The following IGSF3 variants were observed in gnomAD, a reference collection of about 807,000 sequenced individuals.
IGSF3 encodes the protein immunoglobulin superfamily member 3, also known as glu-Trp-Ile EWI motif-containing protein 3.
IGSF3 carries 23 observed loss-of-function variants against 114.4 expected under a neutral mutation model. The observed-to-expected ratio is 0.20, with a 90% CI of 0.14 to 0.28. The LOEUF is 0.28. Ranked by LOEUF, IGSF3 falls within the 10% of genes least tolerant of loss-of-function variation. IGSF3 has a pLI of 1.00. For missense variants in IGSF3, 1,172 were observed against 1,591.5 expected, an observed-to-expected ratio of 0.74 and a Z score of 4.48; for synonymous variants, 571 against 645.2, an observed-to-expected ratio of 0.88 and a Z score of 1.74.
rs1239917981 is a variant in IGSF3, at chr1:116,665,498, A to G, written c.43+786T>C. ...CACGCTGAAGACAGTGCTCAATGGC[A>G]TAAAAAGAATAGGCAATTGTTGAGC... is the stretch of plus-strand genomic sequence containing the variant. On this transcript the variant is annotated intron_variant, in intron 2 of 10. Coordinates refer to ENST00000369486, the MANE Select transcript of IGSF3 (RefSeq NM_001007237.3). This position sits in a 1 kb window ranked among gnomAD's most constrained non-coding sequence, Gnocchi z 4.0. Among the ~76,000 whole-genome samples, 2 of 152,202 alleles carry G rather than the reference A, an allele frequency of 1.3e-5. No homozygotes were observed. The highest frequency in any genetic ancestry group is 2.9e-5 in the Non-Finnish European group (2 of 68,036).
At chr1:116,645,243 A>C (rs1257243373) in intron 2 of IGSF3, among the ~76,000 whole-genome samples, 1 of 152,258 alleles carries the variant, frequency 6.6e-6, no homozygotes, top group African/African-American at 2.4e-5. Context: ...TGAGTGAGAG[A>C]AGCCAGATTC....
Position 116,642,853 on chromosome 1 carries a change from C to T in IGSF3, c.43+23431G>A. Among the ~76,000 whole-genome samples, 1 of 152,244 alleles carries T rather than the reference C, an allele frequency of 6.6e-6. No homozygotes were observed. Among genetic ancestry groups the T allele is most frequent in the East Asian group, 1.9e-4 (1 of 5,196 alleles). ...CCAGGGCCACCTGCCAGTGAGCCCACTGCTTAGCTGAGTCATGGTCAGGTT... is the reference window on the plus strand; with the variant it reads ...CCAGGGCCACCTGCCAGTGAGCCCATTGCTTAGCTGAGTCATGGTCAGGTT... On this transcript the variant is annotated intron_variant, in intron 2 of 10. Coordinates refer to ENST00000369486, the MANE Select transcript of IGSF3 (RefSeq NM_001007237.3). The surrounding 1 kb of genome is among the most constrained non-coding windows in gnomAD (Gnocchi z 5.4).
Position 116,593,198 on chromosome 1 carries a change from T to A in IGSF3, c.2030-4094A>T, listed in dbSNP as rs1474822559. Among the ~76,000 whole-genome samples the A allele has an allele frequency of 6.6e-6, 1 of 152,166 alleles. No homozygotes were observed. Among genetic ancestry groups the A allele is most frequent in the Non-Finnish European group, 1.5e-5 (1 of 68,026 alleles). On this transcript the variant is annotated intron_variant, in intron 7 of 10. Coordinates refer to ENST00000369486, the MANE Select transcript of IGSF3 (RefSeq NM_001007237.3). This position sits in a 1 kb window ranked among gnomAD's most constrained non-coding sequence, Gnocchi z 4.5. ...TGGGAATCTGCCAGCCCCTGCTAAG[T>A]CAGAAAAACTGCGAGTAAGGCTCAG...
intron 2 of IGSF3, among the ~76,000 whole-genome samples, chr1:116,630,196 CT>C (rs922300680): frequency 1.3e-5 from 2 of 152,190 alleles, no homozygotes; most frequent in Admixed American, 6.5e-5. Flanking sequence ...CCTCTGCCCC[CT>C]GGTGGCAAGC....
intron 2 of IGSF3, among the ~76,000 whole-genome samples, chr1:116,653,471 A>G (rs1396441879): frequency 6.6e-6 from 1 of 152,206 alleles, no homozygotes; most frequent in Non-Finnish European, 1.5e-5. Context: ...AATGAGGCCC[A>G]GCTCTCCCCA....
Position 116,583,650 on chromosome 1 carries a change from G to A in IGSF3, c.2848+995C>T, listed in dbSNP as rs1027129671. ...ATGCTCAGAAAACAAACAAGATACT[G>A]ATGGGGTCACGAATTCACTTCTCCT... is the stretch of plus-strand genomic sequence containing the variant. On this transcript the variant is annotated intron_variant, in intron 9 of 10. Transcript: ENST00000369486. The surrounding 1 kb of genome is among the most constrained non-coding windows in gnomAD (Gnocchi z 4.5). 6.6e-6 allele frequency among the ~76,000 whole-genome samples: 1 copy of A among 152,170 alleles called. No individual in the cohort carries two copies. Among genetic ancestry groups the A allele is most frequent in the African/African-American group, 2.4e-5 (1 of 41,438 alleles).
rs1333471121 is a variant in IGSF3 at position 116,605,056 on chromosome 1, G to C, written c.1223-1031C>G. ...ATAAACATCACAGATAGCCTAATAT[G>C]TTTTAATTATACATGTAGTATTTTG... is the stretch of plus-strand genomic sequence containing the variant. On this transcript the variant is annotated intron_variant, in intron 5 of 10. Coordinates refer to ENST00000369486, the MANE Select transcript of IGSF3 (RefSeq NM_001007237.3). The surrounding 1 kb of genome is among the most constrained non-coding windows in gnomAD (Gnocchi z 5.1). 6.6e-6 allele frequency among the ~76,000 whole-genome samples: 1 copy of C among 151,970 alleles called. No individual in the cohort carries two copies. Among genetic ancestry groups the C allele is most frequent in the Non-Finnish European group, 1.5e-5 (1 of 68,004 alleles).
rs1659406265 is a variant in IGSF3, at chr1:116,577,577, G to A, written c.3335-15C>T. ...GAGGGTGGGACCTGAAAAGAATCAT[G>A]AGAGAGACAAGACAATGAGGGCTGA... On this transcript the variant is annotated splice_polypyrimidine_tract_variant and intron_variant, in intron 10 of 10. Transcript: ENST00000369486. This position sits in a 1 kb window ranked among gnomAD's most constrained non-coding sequence, Gnocchi z 5.7. 6.8e-6 allele frequency: 11 copies of A among 1,612,670 alleles called. No homozygotes were observed. In the African/African-American group the frequency reaches 8.0e-5, roughly 12 times the overall value.
In IGSF3 at chr1:116,657,439, G is replaced by C. The variant is rs374956934; in HGVS notation, c.43+8845C>G. ...ATAACCCCACTTTCCCTAACCACAG[G>C]GCTAAGCAACCTAATGGATCAAACA... On this transcript the variant is annotated intron_variant, in intron 2 of 10. Transcript: ENST00000369486. This position sits in a 1 kb window ranked among gnomAD's most constrained non-coding sequence, Gnocchi z 4.2. 5.3e-5 allele frequency among the ~76,000 whole-genome samples: 8 copies of C among 149,588 alleles called. No individual in the cohort carries two copies. Among genetic ancestry groups the C allele is most frequent in the African/African-American group, 2.0e-4 (8 of 39,880 alleles).
rs546896374 is a variant in IGSF3, at chr1:116,636,270, C to T, written c.44-19813G>A. On this transcript the variant is annotated intron_variant, in intron 2 of 10. Coordinates refer to ENST00000369486, the MANE Select transcript of IGSF3 (RefSeq NM_001007237.3). This position sits in a 1 kb window ranked among gnomAD's most constrained non-coding sequence, Gnocchi z 4.5. ...CATCTGTTCAGCTATCCACTCTTCA[C>T]GGCTTGGTTTTCATGCACTCTGAGT... Among the ~76,000 whole-genome samples the T allele has an allele frequency of 7.9e-5, 12 of 152,332 alleles. No individual in the cohort carries two copies. The highest frequency in any genetic ancestry group is 1.3e-4 in the Non-Finnish European group (9 of 68,034).
Position 116,628,400 on chromosome 1 carries a change from T to G in IGSF3, c.44-11943A>C, listed in dbSNP as rs72697346. Reference sequence around the variant, plus strand: ...AAAGCAATCTGACTGGCTGGGAGACTTTTTTTTTTAACCAGGCCCCCAGAG... The same window carrying G: ...AAAGCAATCTGACTGGCTGGGAGACGTTTTTTTTTAACCAGGCCCCCAGAG... On this transcript the variant is annotated intron_variant, in intron 2 of 10. Transcript: ENST00000369486. This position sits in a 1 kb window ranked among gnomAD's most constrained non-coding sequence, Gnocchi z 4.2. 1.4e-5 allele frequency among the ~76,000 whole-genome samples: 2 copies of G among 147,492 alleles called. No individual in the cohort carries two copies. Among genetic ancestry groups the G allele is most frequent in the African/African-American group, 5.1e-5 (2 of 39,346 alleles).
At chr1:116,590,336 A>T (rs686197) in intron 7 of IGSF3, among the ~76,000 whole-genome samples, 1 of 150,946 alleles carries the variant, frequency 6.6e-6, no homozygotes, top group Non-Finnish European at 1.5e-5. Context: ...TCGGCTCTGC[A>T]TTCCCCTACC....
rs1342983398 is a variant in IGSF3 at position 116,600,251 on chromosome 1, A to T, written c.1719T>A (p.Pro573=). The T allele has an allele frequency of 6.2e-7, 1 of 1,614,024 alleles. No homozygotes were observed. The highest frequency in any genetic ancestry group is 8.5e-7 in the Non-Finnish European group (1 of 1,180,030). Residue 573 remains proline, a synonymous_variant, in exon 7 of 11, where the codon CCT becomes CCA. Coordinates refer to ENST00000369486, the MANE Select transcript of IGSF3 (RefSeq NM_001007237.3). The surrounding 1 kb of genome is among the most constrained non-coding windows in gnomAD (Gnocchi z 5.5). ...DLQCIIKPHY[P]AWVPVSVTWR... is the part of the protein sequence containing the mutation. Reference sequence around the variant, plus strand: ...ATGTCACCGACACGGGGACCCAGGCAGGGTAGTGGGGTTTGATGATACACT... The same window carrying T: ...ATGTCACCGACACGGGGACCCAGGCTGGGTAGTGGGGTTTGATGATACACT...
Position 116,577,365 on chromosome 1 carries a change from G to A in IGSF3, c.3532C>T (p.Pro1178Ser), listed in dbSNP as rs1394439583. 1.9e-6 allele frequency: 3 copies of A among 1,614,174 alleles called. No homozygotes were observed. The highest frequency in any genetic ancestry group is 1.7e-5 in the Admixed American group (1 of 60,028). The stretch of plus-strand genomic sequence containing the variant: ...AGAACAGGGGGCTCCAGGCAAGTAG[G>A]GGAGTAGTTGAGGTGTGGCTCTTTG... ...WIKEPHLNYSPTCLEPPVLSI... is the reference protein window; with the variant it reads ...WIKEPHLNYSSTCLEPPVLSI... Residue 1178 changes from proline (P) to serine (S), a missense_variant, in exon 11 of 11, where the codon CCT (proline) becomes TCT (serine). This residue lies in a region of IGSF3 where 423 missense variants were observed against 509.8 expected (regional missense o/e 0.83). Transcript: ENST00000369486. This position sits in a 1 kb window ranked among gnomAD's most constrained non-coding sequence, Gnocchi z 5.7.
In IGSF3 at chr1:116,647,609, A is replaced by C. The variant is rs1314961310; in HGVS notation, c.43+18675T>G. On this transcript the variant is annotated intron_variant, in intron 2 of 10. Coordinates refer to ENST00000369486, the MANE Select transcript of IGSF3 (RefSeq NM_001007237.3). The surrounding 1 kb of genome is among the most constrained non-coding windows in gnomAD (Gnocchi z 4.6). Reference sequence around the variant, plus strand: ...CTATTATTTTACAGATGAGGAAATGAGAGTTTAGAAAAGTAACTTGCAAAA... The same window carrying C: ...CTATTATTTTACAGATGAGGAAATGCGAGTTTAGAAAAGTAACTTGCAAAA... Among the ~76,000 whole-genome samples, 2 of 152,242 alleles carry C rather than the reference A, an allele frequency of 1.3e-5. No individual in the cohort carries two copies. The highest frequency in any genetic ancestry group is 2.9e-5 in the Non-Finnish European group (2 of 68,032).
At chr1:116,635,126 A>T (rs1248565300) in intron 2 of IGSF3, among the ~76,000 whole-genome samples, 1 of 152,216 alleles carries the variant, frequency 6.6e-6, no homozygotes, top group Admixed American at 6.5e-5. Context: ...ATGATCTGTT[A>T]TGCAGCACTG....
chr1:116,579,967 G>C lies in IGSF3; in HGVS notation c.2849-90C>G. 1 of 1,138,252 alleles carries C rather than the reference G, an allele frequency of 8.8e-7. No homozygotes were observed. Among genetic ancestry groups the C allele is most frequent in the Non-Finnish European group, 1.2e-6 (1 of 818,566 alleles). 70.5% of individuals were successfully genotyped at this position (1,138,252 alleles called of 1,614,324 possible). On this transcript the variant is annotated intron_variant, in intron 9 of 10. Coordinates refer to ENST00000369486, the MANE Select transcript of IGSF3 (RefSeq NM_001007237.3). The surrounding 1 kb of genome is among the most constrained non-coding windows in gnomAD (Gnocchi z 6.4). ...AATGTCCATCATTAAACACATGATA[G>C]TAACATCCATACTATAAGATATTAT...
At chr1:116,637,198 T>C (rs564792593) in intron 2 of IGSF3, among the ~76,000 whole-genome samples, 1 of 152,296 alleles carries the variant, frequency 6.6e-6, no homozygotes, top group South Asian at 2.1e-4. Flanking sequence ...ACATCCTGCG[T>C]GCAGATAGAT....
chr1:116,602,293 T>A (rs1388656502), intron 6 of IGSF3, among the ~76,000 whole-genome samples: 1 of 151,922 alleles, frequency 6.6e-6, no homozygotes, highest in Admixed American at 6.6e-5. Context: ...ATAACATAAA[T>A]TACTTCTAGA....
Sources: gnomAD v4.1 joint callset for allele counts (sites outside exome capture counted in the v4.1 genomes callset) on GRCh38, gnomAD v4.1.1 for gene constraint, gnomAD v4.1.1 regional missense constraint, Gnocchi (gnomAD v3.1) non-coding constraint, MANE v1.5 for transcripts, NCBI Gene and HGNC (gene_info 2026-07-23, HGNC 2026-07-21) for gene names.